Variants in GABRB1 observed in about 807,000 individuals in gnomAD.
The protein encoded by GABRB1 is gamma-aminobutyric acid receptor subunit beta-1.
A neutral mutation model predicts 51.6 loss-of-function variants in GABRB1; 17 were observed. The observed-to-expected ratio is 0.33, with a 90% CI of 0.23 to 0.49. The LOEUF is 0.49. GABRB1 is among the 20% of genes least tolerant of loss of function. The pLI is 0.99. For missense variants in GABRB1, 410 were observed against 600.6 expected, an observed-to-expected ratio of 0.68 and a Z score of 3.32; for synonymous variants, 247 against 218.9, an observed-to-expected ratio of 1.13 and a Z score of -1.14.
At chr4:47,172,979 C>T (rs1200157820) in intron 4 of GABRB1, among the ~76,000 whole-genome samples, 2 of 152,002 alleles carry the variant, frequency 1.3e-5, no homozygotes, top group Non-Finnish European at 2.9e-5. Flanking sequence ...GGGTAGAGCC[C>T]ACCTGTAACA....
chr4:47,249,800 C>T (rs777377506), intron 4 of GABRB1, among the ~76,000 whole-genome samples: 2 of 152,074 alleles, frequency 1.3e-5, no homozygotes, highest in African/African-American at 4.8e-5. Context: ...CACCCTTTTA[C>T]TTTAAGTTTA....
At chr4:47,251,184 C>T (rs1296282713) in intron 4 of GABRB1, among the ~76,000 whole-genome samples, 4 of 152,114 alleles carry the variant, frequency 2.6e-5, no homozygotes, top group Non-Finnish European at 4.4e-5. Flanking sequence ...GATGTGGTTT[C>T]TTGTGGGCTC....
At chr4:47,301,722 A>C (rs1038533074) in intron 4 of GABRB1, among the ~76,000 whole-genome samples, 1 of 152,152 alleles carries the variant, frequency 6.6e-6, no homozygotes, top group African/African-American at 2.4e-5. Flanking sequence ...TCCAAGGACT[A>C]AGCATGCTGA....
intron 1 of GABRB1, among the ~76,000 whole-genome samples, chr4:47,001,900 C>A (rs1184801930): frequency 2.0e-5 from 3 of 152,164 alleles, no homozygotes; most frequent in Non-Finnish European, 4.4e-5. Context: ...TTTCAAATGC[C>A]ATTAAATTGT....
intron 4 of GABRB1, among the ~76,000 whole-genome samples, chr4:47,293,875 T>C (rs1037339354): frequency 4.5e-4 from 68 of 152,328 alleles, no homozygotes; most frequent in Non-Finnish European, 8.8e-4. Flanking sequence ...TTGAAAATTG[T>C]CCATTATACA....
intron 5 of GABRB1, among the ~76,000 whole-genome samples, chr4:47,356,973 G>C (rs1726605786): frequency 6.6e-6 from 1 of 152,078 alleles, no homozygotes; most frequent in Non-Finnish European, 1.5e-5. Context: ...AATGCTATTT[G>C]CTTTTCAAAT....
chr4:47,161,563 T>C lies in GABRB1; in HGVS notation c.461+94T>C. The C allele has an allele frequency of 4.6e-6, 4 of 870,228 alleles. No homozygotes were observed. The South Asian group carries it at 4.9e-5, about 11-fold the overall frequency. The allele number at this position is 870,228 out of a possible 1,614,324, so 53.9% of individuals were successfully genotyped here. A position where few individuals can be genotyped will look rare whatever the true frequency, so the allele number is the denominator to read the frequency against. On this transcript the variant is annotated intron_variant, in intron 4 of 8. Coordinates refer to ENST00000295454, the MANE Select transcript of GABRB1 (RefSeq NM_000812.4). ...GGCAAAGGGGAGAGAAGCAAGAATA[T>C]ATAGATGAATATATAAATGGGGTGT...
At chr4:47,176,910 C>T (rs1718728313) in intron 4 of GABRB1, among the ~76,000 whole-genome samples, 1 of 152,032 alleles carries the variant, frequency 6.6e-6, no homozygotes, top group South Asian at 2.1e-4. Flanking sequence ...CATTTCATTC[C>T]TTCTAAAATG....
chr4:47,320,860 C>T (rs968148535), intron 5 of GABRB1, among the ~76,000 whole-genome samples: 1 of 151,780 alleles, frequency 6.6e-6, no homozygotes, highest in Admixed American at 6.6e-5. Context: ...ATCTCCGCCT[C>T]CCGGGTTCAC....
intron 1 of GABRB1, among the ~76,000 whole-genome samples, chr4:47,023,595 A>C (rs1724998966): frequency 6.6e-6 from 1 of 152,030 alleles, no homozygotes. Context: ...AGAAATATGT[A>C]AAAGTATAAA....
intron 3 of GABRB1, among the ~76,000 whole-genome samples, chr4:47,110,716 A>G (rs1715180306): frequency 6.6e-6 from 1 of 152,206 alleles, no homozygotes; most frequent in South Asian, 2.1e-4. Context: ...TAGAAATCTT[A>G]TCTTCTTTGA....
intron 4 of GABRB1, among the ~76,000 whole-genome samples, chr4:47,233,345 G>C (rs1379022185): frequency 6.6e-6 from 1 of 151,986 alleles, no homozygotes; most frequent in Non-Finnish European, 1.5e-5. Flanking sequence ...ATTAATTTTG[G>C]AATAAAATTC....
At chr4:47,325,393 C>T (rs1213952948) in intron 5 of GABRB1, among the ~76,000 whole-genome samples, 2 of 151,146 alleles carry the variant, frequency 1.3e-5, no homozygotes, top group Non-Finnish European at 1.5e-5. Context: ...TGAGATGGCA[C>T]CATTGCACTC....
intron 5 of GABRB1, among the ~76,000 whole-genome samples, chr4:47,388,674 TA>T (rs1727882013): frequency 6.6e-6 from 1 of 151,910 alleles, no homozygotes; most frequent in Non-Finnish European, 1.5e-5. Context: ...CAAAAAGTGG[TA>T]AAAGAAACAA....
intron 4 of GABRB1, among the ~76,000 whole-genome samples, chr4:47,229,049 A>C (rs1431311263): frequency 6.6e-6 from 1 of 152,162 alleles, no homozygotes; most frequent in Non-Finnish European, 1.5e-5. Context: ...TAGACATGGA[A>C]ACTAACACTT....
chr4:47,132,392 T>TTTTGG (rs35774226), intron 3 of GABRB1, among the ~76,000 whole-genome samples: 91 of 119,190 alleles, frequency 7.6e-4, no homozygotes, highest in African/African-American at 7.6e-4. Context: ...TTTTGGTTTG[T>TTTTGG]TTTGGTTTGG....
At chr4:47,332,371 C>T (rs1725517244) in intron 5 of GABRB1, among the ~76,000 whole-genome samples, 1 of 152,118 alleles carries the variant, frequency 6.6e-6, no homozygotes, top group African/African-American at 2.4e-5. Flanking sequence ...TATTCAAAGT[C>T]AATTTATTAT....
intron 3 of GABRB1, among the ~76,000 whole-genome samples, chr4:47,074,977 T>G (rs1727488640): frequency 6.6e-6 from 1 of 152,158 alleles, no homozygotes; most frequent in Non-Finnish European, 1.5e-5. Flanking sequence ...CTTGCCAAGG[T>G]ATGATGAGGA....
At chr4:47,096,073 T>C (rs1378835606) in intron 3 of GABRB1, among the ~76,000 whole-genome samples, 2 of 152,148 alleles carry the variant, frequency 1.3e-5, no homozygotes, top group Non-Finnish European at 2.9e-5. Flanking sequence ...TGCCATATGG[T>C]TTGTCCTTCT....
Sources: gnomAD v4.1 joint callset for allele counts (sites outside exome capture counted in the v4.1 genomes callset) on GRCh38, gnomAD v4.1.1 for gene constraint, MANE v1.5 for transcripts, NCBI Gene and HGNC (gene_info 2026-07-23, HGNC 2026-07-21) for gene names.